EFCAB11: variants seen among roughly 807,000 people sequenced by gnomAD.
EFCAB11 encodes EF-hand calcium binding domain 11, also known as EF-hand calcium-binding domain-containing protein 11.
Under a neutral mutation model 23.0 loss-of-function variants are expected in EFCAB11, and 14 were observed. The observed-to-expected ratio is 0.61, with a 90% CI of 0.40 to 0.95. EFCAB11 has a LOEUF of 0.95. EFCAB11 is among the 40% of genes least tolerant of loss of function. The pLI, the probability that EFCAB11 is intolerant of heterozygous loss-of-function variation, is 0.00. For synonymous variants in EFCAB11, 65 were observed against 66.6 expected, an observed-to-expected ratio of 0.98 and a Z score of 0.11; for missense variants, 198 against 195.8, an observed-to-expected ratio of 1.01 and a Z score of -0.07.
intron 3 of EFCAB11, among the ~76,000 whole-genome samples, chr14:89,936,492 G>GT (rs1444735299): frequency 6.6e-6 from 1 of 152,138 alleles, no homozygotes; most frequent in Non-Finnish European, 1.5e-5. Context: ...AAATTACTCC[G>GT]TATGTGTAAT....
chr14:89,924,774 C>G, intron 5 of EFCAB11: 1 of 1,325,456 alleles, frequency 7.5e-7, no homozygotes, highest in South Asian at 1.4e-5. Context: ...GGCTATGAAG[C>G]TCCTGACTGC....
chr14:89,928,273 A>G (rs1456241408), intron 5 of EFCAB11, among the ~76,000 whole-genome samples: 1 of 152,196 alleles, frequency 6.6e-6, no homozygotes. Flanking sequence ...TGGTTAAAGT[A>G]TAGAAATTTC....
At chr14:89,845,436 C>A (rs1048518797) in intron 5 of EFCAB11, among the ~76,000 whole-genome samples, 1 of 152,152 alleles carries the variant, frequency 6.6e-6, no homozygotes, top group African/African-American at 2.4e-5. Context: ...TCTTATATTA[C>A]TTTTCTGAGC....
At chr14:89,854,563 C>T (rs915572103) in intron 5 of EFCAB11, among the ~76,000 whole-genome samples, 4 of 152,214 alleles carry the variant, frequency 2.6e-5, no homozygotes, top group Non-Finnish European at 4.4e-5. Context: ...AGCTGTCTCC[C>T]AGATGTCCCC....
intron 5 of EFCAB11, among the ~76,000 whole-genome samples, chr14:89,850,924 G>A (rs1371946981): frequency 1.3e-5 from 2 of 152,170 alleles, no homozygotes; most frequent in East Asian, 3.8e-4. Context: ...GCCCTAGGAA[G>A]TTAAACACTC....
intron 5 of EFCAB11, among the ~76,000 whole-genome samples, chr14:89,810,272 T>C (rs1566766795): frequency 6.6e-6 from 1 of 152,148 alleles, no homozygotes; most frequent in Non-Finnish European, 1.5e-5. Flanking sequence ...CACCCTATGA[T>C]CTTACACCAA....
At chr14:89,894,748 A>C (rs1026931351) in intron 5 of EFCAB11, among the ~76,000 whole-genome samples, 1 of 152,204 alleles carries the variant, frequency 6.6e-6, no homozygotes, top group Non-Finnish European at 1.5e-5. Context: ...ATCTTTGTGG[A>C]TCCTTAAAAA....
chr14:89,921,082 GA>G (rs1020915993), intron 5 of EFCAB11, among the ~76,000 whole-genome samples: 1 of 138,010 alleles, frequency 7.2e-6, no homozygotes, highest in Admixed American at 7.1e-5. Flanking sequence ...AAAAAGAAAA[GA>G]AAGAAAGAAA....
At chr14:89,867,771 G>A (rs760071762) in intron 5 of EFCAB11, among the ~76,000 whole-genome samples, 13 of 152,114 alleles carry the variant, frequency 8.5e-5, no homozygotes, top group African/African-American at 1.2e-4. Context: ...GATCTGCTAC[G>A]CCGAGGAAAT....
chr14:89,920,744 A>G (rs1830384029), intron 5 of EFCAB11, among the ~76,000 whole-genome samples: 1 of 152,162 alleles, frequency 6.6e-6, no homozygotes, highest in Non-Finnish European at 1.5e-5. Flanking sequence ...AAGAGGAAAG[A>G]TATTTTGTGG....
At chr14:89,807,681 A>ATTTT (rs1886013081) in intron 5 of EFCAB11, among the ~76,000 whole-genome samples, 1 of 152,226 alleles carries the variant, frequency 6.6e-6, no homozygotes, top group Admixed American at 6.5e-5. Flanking sequence ...CCAGTTGTCA[A>ATTTT]ATAATGCTTA....
intron 5 of EFCAB11, chr14:89,924,027 C>A (rs1013328406): frequency 1.0e-6 from 1 of 985,362 alleles, no homozygotes; most frequent in Non-Finnish European, 1.2e-6. Context: ...ACAGTCCTTA[C>A]CCCTATAATG....
chr14:89,919,442 C>T (rs1889956289), intron 5 of EFCAB11, among the ~76,000 whole-genome samples: 1 of 152,166 alleles, frequency 6.6e-6, no homozygotes, highest in African/African-American at 2.4e-5. Context: ...GTGGTGTCAA[C>T]ATTGATTCTT....
At chr14:89,946,860 G>A (rs1036364840) in intron 3 of EFCAB11, among the ~76,000 whole-genome samples, 1 of 151,742 alleles carries the variant, frequency 6.6e-6, no homozygotes, top group South Asian at 2.1e-4. Context: ...TTACAGGTGT[G>A]AGTCACCACT....
At chr14:89,854,380 T>C (rs1205614125) in intron 5 of EFCAB11, among the ~76,000 whole-genome samples, 1 of 152,106 alleles carries the variant, frequency 6.6e-6, no homozygotes, top group East Asian at 1.9e-4. Flanking sequence ...CCACATCCAC[T>C]AGCAAGAGGC....
chr14:89,932,078 G>A (rs1226577538), intron 4 of EFCAB11, among the ~76,000 whole-genome samples: 1 of 152,170 alleles, frequency 6.6e-6, no homozygotes, highest in Non-Finnish European at 1.5e-5. Flanking sequence ...TAGACTCCAT[G>A]AGTCTTTTCA....
intron 5 of EFCAB11, among the ~76,000 whole-genome samples, chr14:89,903,756 C>A (rs1179024502): frequency 6.6e-6 from 1 of 152,120 alleles, no homozygotes; most frequent in Non-Finnish European, 1.5e-5. Flanking sequence ...TTATTATCTA[C>A]CTTTAAGATC....
rs375523218 is a variant in EFCAB11, at chr14:89,815,275, T to C, written c.411-17951A>G. Among the ~76,000 whole-genome samples, 44 of 152,254 alleles carry C rather than the reference T, an allele frequency of 2.9e-4. No individual in the cohort carries two copies. In the South Asian group the frequency reaches 8.3e-3, roughly 29 times the overall value. ...TTTCAAAATATTAGTGTTTCAAAAA[T>C]GTTGTCATAAGTGTACATGTGAAAA... On this transcript the variant is annotated intron_variant, in intron 5 of 5. Transcript: ENST00000316738.
intron 5 of EFCAB11, among the ~76,000 whole-genome samples, chr14:89,910,716 G>A (rs945969032): frequency 6.6e-6 from 1 of 152,086 alleles, no homozygotes; most frequent in Non-Finnish European, 1.5e-5. Flanking sequence ...GGTGTCTTAG[G>A]GTACTCATGT....
Sources: gnomAD v4.1 joint callset for allele counts (sites outside exome capture counted in the v4.1 genomes callset) on GRCh38, gnomAD v4.1.1 for gene constraint, MANE v1.5 for transcripts, NCBI Gene and HGNC (gene_info 2026-07-23, HGNC 2026-07-21) for gene names.